The following EZH2 variants were observed in gnomAD, a reference collection of about 807,000 sequenced individuals.
The protein encoded by EZH2 is enhancer of zeste 2 polycomb repressive complex 2 subunit.
Under a neutral mutation model 98.4 loss-of-function variants are expected in EZH2, and 18 were observed. The observed-to-expected ratio is 0.18, with a 90% CI of 0.13 to 0.27. The LOEUF is 0.27. Among genes scored for constraint, EZH2 ranks in the 10% least tolerant of loss-of-function variants. The pLI, the probability that EZH2 is intolerant of heterozygous loss-of-function variation, is 1.00. For synonymous variants in EZH2, 338 were observed against 312.3 expected, an observed-to-expected ratio of 1.08 and a Z score of -0.87; for missense variants, 470 against 935.1, an observed-to-expected ratio of 0.50 and a Z score of 6.49.
At chr7:148,851,463 A>G (rs1182698545) in intron 1 of EZH2, among the ~76,000 whole-genome samples, 1 of 152,188 alleles carries the variant, frequency 6.6e-6, no homozygotes, top group Non-Finnish European at 1.5e-5. Flanking sequence ...TTTAGATGTT[A>G]GCTCCCCTGA....
intron 13 of EZH2, 69 bp downstream of exon 13, chr7:148,815,437 A>G: frequency 4.0e-6 from 6 of 1,484,920 alleles, no homozygotes; most frequent in Non-Finnish European, 4.7e-6. Flanking sequence ...TCCAGTTACT[A>G]TTCTAAAACA....
intron 3 of EZH2, among the ~76,000 whole-genome samples, chr7:148,834,095 T>C (rs1411388983): frequency 6.6e-6 from 1 of 152,186 alleles, no homozygotes; most frequent in African/African-American, 2.4e-5. Flanking sequence ...GCATGTTGTT[T>C]CCAATGTTAA....
At chr7:148,859,700 A>C (rs1563053389) in intron 1 of EZH2, among the ~76,000 whole-genome samples, 1 of 152,170 alleles carries the variant, frequency 6.6e-6, no homozygotes, top group Non-Finnish European at 1.5e-5. Flanking sequence ...CCACCAACCA[A>C]CGGCAGTTCA....
chr7:148,860,720 G>A lies in EZH2; in HGVS notation c.-7-13415C>T, dbSNP rs184037060. 3.3e-5 allele frequency among the ~76,000 whole-genome samples: 5 copies of A among 152,250 alleles called. No homozygotes were observed. In the East Asian group the frequency reaches 9.6e-4, roughly 29 times the overall value. On this transcript the variant is annotated intron_variant, in intron 1 of 19. Transcript: ENST00000320356. ...ACAAGGTCTCACTCTGGCCCTGGCT[G>A]AAGTGCACTGGCGCAATCACGGCTC...
chr7:148,815,152 C>G, intron 13 of EZH2, 113 bp from the exon 14 acceptor site: 1 of 1,327,350 alleles, frequency 7.5e-7, no homozygotes. Context: ...GCTGGCCTGC[C>G]TTTACTGAAT....
intron 3 of EZH2, among the ~76,000 whole-genome samples, chr7:148,833,788 G>A (rs1452373925): frequency 6.6e-6 from 1 of 152,124 alleles, no homozygotes; most frequent in African/African-American, 2.4e-5. Context: ...TTTTACAGGT[G>A]AGAAAACTAT....
intron 3 of EZH2, among the ~76,000 whole-genome samples, chr7:148,844,815 G>C (rs1563016449): frequency 6.6e-6 from 1 of 152,000 alleles, no homozygotes. Context: ...AATATACTAT[G>C]AGCAATTCAA....
At chr7:148,861,768 T>A (rs1429330741) in intron 1 of EZH2, among the ~76,000 whole-genome samples, 1 of 149,592 alleles carries the variant, frequency 6.7e-6, no homozygotes, top group East Asian at 2.0e-4. Flanking sequence ...CCCAGGAGTT[T>A]CAGACCAGCC....
chr7:148,812,804 G>T (rs1002453160), intron 15 of EZH2, among the ~76,000 whole-genome samples: 1 of 152,042 alleles, frequency 6.6e-6, no homozygotes, highest in Non-Finnish European at 1.5e-5. Flanking sequence ...TAACTGCCTA[G>T]AGTAAAATCA....
At chr7:148,866,583 T>C (rs1220538590) in intron 1 of EZH2, among the ~76,000 whole-genome samples, 2 of 146,734 alleles carry the variant, frequency 1.4e-5, no homozygotes, top group East Asian at 2.0e-4. Flanking sequence ...CGTATATACA[T>C]ATATTGTATA....
chr7:148,811,829 C>G, intron 15 of EZH2, 109 bp from the exon 16 acceptor site: 1 of 912,452 alleles, frequency 1.1e-6, no homozygotes, highest in Non-Finnish European at 1.7e-6. Context: ...ATCCTCAGAC[C>G]TGTTTGTTCT....
intron 8 of EZH2, among the ~76,000 whole-genome samples, chr7:148,822,637 C>T (rs573805698): frequency 1.1e-4 from 16 of 151,660 alleles, no homozygotes; most frequent in Non-Finnish European, 1.6e-4. Flanking sequence ...TCAAAAAGAT[C>T]TATGAGACCA....
chr7:148,810,612 A>C (rs1802770739), intron 16 of EZH2, among the ~76,000 whole-genome samples, 198 bp from the exon 17 acceptor site: 2 of 152,232 alleles, frequency 1.3e-5, no homozygotes, highest in African/African-American at 2.4e-5. Flanking sequence ...CAACTCAGAA[A>C]TATTTCCACA....
chr7:148,882,559 G>C (rs1394310680), intron 1 of EZH2, among the ~76,000 whole-genome samples: 1 of 152,146 alleles, frequency 6.6e-6, no homozygotes, highest in African/African-American at 2.4e-5. Context: ...AAATAAACAA[G>C]TTAGGATTAC....
intron 17 of EZH2, 141 bp from the exon 18 acceptor site, chr7:148,809,531 G>GT (rs1425795044): frequency 1.9e-5 from 11 of 581,960 alleles, no homozygotes; most frequent in African/African-American, 1.8e-4. Context: ...GCTTCATTCA[G>GT]TAAGAAATGA....
At chr7:148,868,367 G>C (rs1818843961) in intron 1 of EZH2, among the ~76,000 whole-genome samples, 1 of 152,168 alleles carries the variant, frequency 6.6e-6, no homozygotes, top group Admixed American at 6.5e-5. Flanking sequence ...AAGCAAAGGG[G>C]AAGCCAGCAC....
At chr7:148,819,834 C>T in intron 8 of EZH2, 147 bp from the exon 9 acceptor site, 1 of 656,270 alleles carries the variant, frequency 1.5e-6, no homozygotes, top group East Asian at 2.7e-5. Context: ...CCTTCAGGCT[C>T]TTACTGAATG....
intron 1 of EZH2, among the ~76,000 whole-genome samples, chr7:148,860,800 T>C (rs936523360): frequency 3.9e-5 from 6 of 152,128 alleles, no homozygotes; most frequent in South Asian, 4.1e-4. Context: ...ACTTCCCAGG[T>C]AGCTGGGACC....
intron 11 of EZH2, 61 bp downstream of exon 11, chr7:148,817,161 G>A (rs924601414): frequency 5.5e-6 from 8 of 1,458,572 alleles, no homozygotes; most frequent in South Asian, 2.8e-5. Flanking sequence ...TTTGGACAAC[G>A]AGTACAGTTT....
Sources: allele counts gnomAD v4.1 joint callset (sites outside exome capture counted in the v4.1 genomes callset), GRCh38; gene constraint gnomAD v4.1.1; transcripts MANE v1.5; gene names NCBI Gene and HGNC (gene_info 2026-07-23, HGNC 2026-07-21).